SCN9A: variants seen among roughly 807,000 people sequenced by gnomAD.
SCN9A encodes sodium voltage-gated channel alpha subunit 9.
In SCN9A, 131 loss-of-function variants were observed where a neutral mutation model predicts 187.0. The observed-to-expected ratio is 0.70, with a 90% CI of 0.61 to 0.81. The LOEUF (loss-of-function observed/expected upper bound fraction) is 0.81. Ranked by LOEUF, SCN9A falls within the 30% of genes least tolerant of loss-of-function variation. The pLI is 0.00. For synonymous variants in SCN9A, 809 were observed against 808.6 expected, an observed-to-expected ratio of 1.00 and a Z score of -0.01; for missense variants, 2,252 against 2,396.6, an observed-to-expected ratio of 0.94 and a Z score of 1.26.
chr2:166,359,372 G>T (rs13004059), intron 1 of SCN9A, among the ~76,000 whole-genome samples: 41,263 of 151,988 alleles, frequency 0.27, 8,434 homozygotes, highest in African/African-American at 0.58. Flanking sequence ...TAAAAACAAA[G>T]TATGCCAAGT....
chr2:166,342,658 G>T (rs775794317), intron 1 of SCN9A, among the ~76,000 whole-genome samples: 32 of 150,776 alleles, frequency 2.1e-4, no homozygotes, highest in Admixed American at 6.6e-4. Flanking sequence ...TTATATGCTT[G>T]CTAAATTATA....
intron 9 of SCN9A, among the ~76,000 whole-genome samples, chr2:166,292,598 G>T: frequency 6.6e-6 from 1 of 151,906 alleles, no homozygotes; most frequent in East Asian, 1.9e-4. Context: ...TAATCATTTT[G>T]GTCTCCTTCC....
In SCN9A at chr2:166,281,804, G is replaced by A. The variant is rs200965749; in HGVS notation, c.1979C>T (p.Thr660Met). The change falls in exon 13 of 27, where the codon ACG becomes ATG. Residue 660 changes from threonine to methionine, a missense_variant. By Grantham distance (81) the Thr-to-Met change is moderately conservative. Around this residue, in one of 7 missense-constraint regions of SCN9A, gnomAD observed 1,013 missense variants for 997.4 expected, o/e 1.02. Transcript: ENST00000642356. ...IDKATSDDSG[T>M]TNQIHKKRRC... Reference sequence around the variant, plus strand: ...CCTTTTCTTGTGTATTTGATTGGTCGTGCCCTAAAAAAAAAATCAATTAAT... The same window carrying A: ...CCTTTTCTTGTGTATTTGATTGGTCATGCCCTAAAAAAAAAATCAATTAAT... 6.4e-5 allele frequency: 102 copies of A among 1,600,466 alleles called. No individual in the cohort carries two copies. Among genetic ancestry groups the A allele is most frequent in the African/African-American group, 1.4e-4 (10 of 73,656 alleles).
At chr2:166,278,080 C>A in intron 15 of SCN9A, 60 bp downstream of exon 15, 1 of 1,386,046 alleles carries the variant, frequency 7.2e-7, no homozygotes, top group Non-Finnish European at 9.7e-7. Context: ...AAAAATAATG[C>A]AAAACCAAAG....
At chr2:166,239,222 CA>C (rs1224250762) in intron 19 of SCN9A, among the ~76,000 whole-genome samples, 10 of 15,034 alleles carry the variant, frequency 6.7e-4, no homozygotes, top group South Asian at 7.0e-3. Flanking sequence ...GACTCTGTCT[CA>C]AAAAAAAAAA....
At chr2:166,267,047 C>A (rs1247224598) in intron 17 of SCN9A, among the ~76,000 whole-genome samples, 1 of 151,846 alleles carries the variant, frequency 6.6e-6, no homozygotes, top group Non-Finnish European at 1.5e-5. Flanking sequence ...TCCTTTATTT[C>A]TTTCTCTTGC....
At chr2:166,373,740 A>G (rs1282081162) in intron 1 of SCN9A, among the ~76,000 whole-genome samples, 1 of 152,208 alleles carries the variant, frequency 6.6e-6, no homozygotes, top group Non-Finnish European at 1.5e-5. Context: ...TATCATTATG[A>G]CATCTAGAAT....
At chr2:166,296,527 T>C (rs1698310161) in intron 7 of SCN9A, among the ~76,000 whole-genome samples, 1 of 152,178 alleles carries the variant, frequency 6.6e-6, no homozygotes, top group African/African-American at 2.4e-5. Flanking sequence ...CAATTTTGCA[T>C]ACATAAACAT....
intron 1 of SCN9A, among the ~76,000 whole-genome samples, chr2:166,340,599 TTTC>T (rs1559051167): frequency 2.4e-5 from 2 of 83,836 alleles, no homozygotes; most frequent in Non-Finnish European, 4.4e-5. Context: ...TCTTTCTTTC[TTTC>T]TTTTTCTTTC....
chr2:166,333,416 A>G (rs1699554702), intron 1 of SCN9A, among the ~76,000 whole-genome samples: 1 of 152,198 alleles, frequency 6.6e-6, no homozygotes, highest in Admixed American at 6.5e-5. Flanking sequence ...TCCCCCTACA[A>G]TGTAACATGT....
chr2:166,356,153 G>T, intron 1 of SCN9A, among the ~76,000 whole-genome samples: 1 of 152,056 alleles, frequency 6.6e-6, no homozygotes, highest in East Asian at 1.9e-4. Context: ...GAACTATCCT[G>T]CTCAGCCTCT....
intron 17 of SCN9A, among the ~76,000 whole-genome samples, chr2:166,258,463 A>C (rs1696372077): frequency 6.6e-6 from 1 of 151,578 alleles, no homozygotes; most frequent in Non-Finnish European, 1.5e-5. Context: ...TCACTTATTC[A>C]TTCATAGGCA....
rs554942332 is a variant in SCN9A, at chr2:166,268,025, C to T, written c.3351+4374G>A. Reference sequence around the variant, plus strand: ...AATTCTGAAGCACTGATCTTCATCACGCTATCTCTTTTAAATTCAATCTGT... The same window carrying T: ...AATTCTGAAGCACTGATCTTCATCATGCTATCTCTTTTAAATTCAATCTGT... On this transcript the variant is annotated intron_variant, in intron 17 of 26. Transcript: ENST00000642356. Among the ~76,000 whole-genome samples, 6 of 152,056 alleles carry T rather than the reference C, an allele frequency of 3.9e-5. No individual in the cohort carries two copies. The South Asian group carries it at 6.2e-4, about 16-fold the overall frequency.
At chr2:166,352,918 A>C (rs1023766949) in intron 1 of SCN9A, among the ~76,000 whole-genome samples, 3 of 152,098 alleles carry the variant, frequency 2.0e-5, no homozygotes, top group Non-Finnish European at 4.4e-5. Flanking sequence ...AGTGCTTTTT[A>C]ACTTGAGTGT....
chr2:166,201,817 A>G (rs1389806670), intron 26 of SCN9A, among the ~76,000 whole-genome samples: 1 of 151,438 alleles, frequency 6.6e-6, no homozygotes, highest in East Asian at 1.9e-4. Context: ...TTACACATTC[A>G]ACAGTATTGA....
chr2:166,226,740 G>A, intron 23 of SCN9A, 36 bp from the exon 24 acceptor site: 3 of 1,464,134 alleles, frequency 2.0e-6, no homozygotes, highest in African/African-American at 1.4e-5. Flanking sequence ...TATATGGACA[G>A]TAACATTCAT....
At chr2:166,255,788 CA>C (rs1696245487) in intron 17 of SCN9A, among the ~76,000 whole-genome samples, 1 of 151,288 alleles carries the variant, frequency 6.6e-6, no homozygotes, top group Non-Finnish European at 1.5e-5. Context: ...TTGAGAGAAG[CA>C]AATCAAAAGG....
At position 166,272,852 on chromosome 2, in the gene SCN9A, T is replaced by C; in HGVS notation, c.2898A>G (p.Leu966=). ...NLVVLNLFLA[L]LLSSFSSDNL... is the part of the protein sequence containing the mutation. ...TGTCTGAACTAAATGAGCTCAATAATAAGGCCAGAAATAGGTTTAGGACCT... is the reference window on the plus strand; with the variant it reads ...TGTCTGAACTAAATGAGCTCAATAACAAGGCCAGAAATAGGTTTAGGACCT... Residue 966 remains leucine, a synonymous_variant, in exon 17 of 27, where the codon TTA becomes TTG. Coordinates refer to ENST00000642356, the MANE Select transcript of SCN9A (RefSeq NM_001365536.1). 1 of 1,498,596 alleles carries C rather than the reference T, an allele frequency of 6.7e-7. No homozygotes were observed. The highest frequency in any genetic ancestry group is 1.5e-5 in the South Asian group (1 of 68,086). 92.8% of individuals were successfully genotyped at this position (1,498,596 alleles called of 1,614,324 possible).
intron 24 of SCN9A, among the ~76,000 whole-genome samples, chr2:166,222,955 A>AAAAAAAAAAAAAAAAAAAAAC (rs1694675021): frequency 7.9e-6 from 1 of 125,938 alleles, no homozygotes; most frequent in Non-Finnish European, 1.7e-5. Context: ...CAAAAAAAAA[A>AAAAAAAAAAAAAAAAAAAAAC]AAAAAAAAAA....
Sources: allele counts gnomAD v4.1 joint callset (sites outside exome capture counted in the v4.1 genomes callset), GRCh38; gene constraint gnomAD v4.1.1; regional missense constraint gnomAD v4.1.1; transcripts MANE v1.5; gene names NCBI Gene and HGNC (gene_info 2026-07-23, HGNC 2026-07-21).